CNR2: variants seen among roughly 807,000 people sequenced by gnomAD.
CNR2 encodes the protein cannabinoid receptor 2 (macrophage).
For missense variants in CNR2, 379 were observed against 439.9 expected (o/e 0.86, Z 1.24); for synonymous variants, 172 against 182.2 (o/e 0.94, Z 0.45).
At chr1:23,876,063 A>G (rs757855335) in intron 1 of CNR2, among the ~76,000 whole-genome samples, 1 of 152,138 alleles carries the variant, frequency 6.6e-6, no homozygotes, top group African/African-American at 2.4e-5. Context: ...TTGTTTTGTT[A>G]ATTTGCCAAT....
At chr1:23,905,077 T>C (rs889311068) in intron 1 of CNR2, among the ~76,000 whole-genome samples, 1 of 152,288 alleles carries the variant, frequency 6.6e-6, no homozygotes, top group Middle Eastern at 3.4e-3. Flanking sequence ...GGCTCAGCTC[T>C]TGAAACACTC....
intron 1 of CNR2, among the ~76,000 whole-genome samples, chr1:23,891,101 A>G (rs1414858809): frequency 1.3e-5 from 2 of 151,254 alleles, no homozygotes; most frequent in Admixed American, 6.6e-5. Context: ...CCTGTTCTCG[A>G]ACTCCTGACT....
chr1:23,902,305 T>C (rs1265693778), intron 1 of CNR2: 1 of 1,531,658 alleles, frequency 6.5e-7, no homozygotes, highest in African/African-American at 1.4e-5. Context: ...TGTGCGTCGA[T>C]GACCTCCCAG....
At chr1:23,876,834 CA>C (rs72220399) in intron 1 of CNR2, among the ~76,000 whole-genome samples, 8,951 of 119,684 alleles carry the variant, frequency 0.075, 207 homozygotes, top group East Asian at 0.19. Context: ...GACTCTGTCT[CA>C]AAAAAAAAAA....
chr1:23,875,009 G>A lies in CNR2; in HGVS notation c.609C>T (p.Ser203=), dbSNP rs371817276. Residue 203 remains serine, a synonymous_variant, in exon 2 of 2, where the codon TCC becomes TCT. Transcript: ENST00000374472. ...SWLLFIAFLF[S]GIIYTYGHVL... is the part of the protein sequence containing the mutation. ...CATGCCCATAGGTGTAGATGATTCC[G>A]GAAAAGAGGAAGGCGATGAACAGGA... 4.8e-5 allele frequency: 77 copies of A among 1,608,974 alleles called. No homozygotes were observed. The highest frequency in any genetic ancestry group is 3.4e-4 in the South Asian group (31 of 90,254).
At chr1:23,892,238 T>A (rs1406529100) in intron 1 of CNR2, among the ~76,000 whole-genome samples, 1 of 152,156 alleles carries the variant, frequency 6.6e-6, no homozygotes, top group Non-Finnish European at 1.5e-5. Context: ...TAAAATGGGT[T>A]TGGCAGTGGA....
intron 1 of CNR2, among the ~76,000 whole-genome samples, chr1:23,881,725 C>A (rs1442392947): frequency 6.6e-6 from 1 of 150,542 alleles, no homozygotes; most frequent in African/African-American, 2.4e-5. Flanking sequence ...CTCGTCTCTA[C>A]TAAAAATACA....
chr1:23,881,860 C>T (rs533810577), intron 1 of CNR2, among the ~76,000 whole-genome samples: 1 of 151,642 alleles, frequency 6.6e-6, no homozygotes, highest in East Asian at 2.0e-4. Flanking sequence ...CATTGCACTC[C>T]AGCCTGGGCA....
intron 1 of CNR2, among the ~76,000 whole-genome samples, chr1:23,880,987 T>C (rs1639976470): frequency 6.6e-6 from 1 of 151,398 alleles, no homozygotes; most frequent in Non-Finnish European, 1.5e-5. Context: ...TAGAAATTAA[T>C]AATTAAGGCT....
chr1:23,875,265 G>A lies in CNR2; in HGVS notation c.353C>T (p.Thr118Ile). ...CAGCAGGAGGCTACCCACAGAGGCT[G>A]TGAAGGTCATAGTCACGCTGCCAAT... ...LKIGSVTMTFTASVGSLLLTA... is the reference protein window; with the variant it reads ...LKIGSVTMTFIASVGSLLLTA... Residue 118 changes from threonine (T) to isoleucine (I), a missense_variant, in exon 2 of 2, where the codon ACA becomes ATA. Thr to Ile is a moderately conservative substitution (Grantham distance 89). Coordinates refer to ENST00000374472, the MANE Select transcript of CNR2 (RefSeq NM_001841.3). 6.2e-7 allele frequency: 1 copy of A among 1,614,228 alleles called. No individual in the cohort carries two copies. The highest frequency in any genetic ancestry group is 8.5e-7 in the Non-Finnish European group (1 of 1,180,046).
intron 1 of CNR2, among the ~76,000 whole-genome samples, chr1:23,890,866 T>A (rs1203903835): frequency 7.2e-6 from 1 of 138,786 alleles, no homozygotes; most frequent in Non-Finnish European, 1.5e-5. Context: ...TTAGTCCCCC[T>A]CTGGTCTTCT....
chr1:23,876,278 C>T (rs1474945727), intron 1 of CNR2, among the ~76,000 whole-genome samples: 1 of 150,820 alleles, frequency 6.6e-6, no homozygotes, highest in Non-Finnish European at 1.5e-5. Flanking sequence ...GTGATCTCGG[C>T]TCACTGTAAC....
intron 1 of CNR2, among the ~76,000 whole-genome samples, chr1:23,880,657 C>T (rs1238659928): frequency 1.3e-5 from 2 of 151,858 alleles, no homozygotes; most frequent in Non-Finnish European, 2.9e-5. Context: ...CCTCCGCCTC[C>T]AGGGTTCAAG....
At chr1:23,884,761 T>G (rs1478867810) in intron 1 of CNR2, among the ~76,000 whole-genome samples, 1 of 152,118 alleles carries the variant, frequency 6.6e-6, no homozygotes, top group East Asian at 1.9e-4. Flanking sequence ...GGACCTTTAG[T>G]GGCTCAGCAC....
At chr1:23,894,659 A>AAAAAAAAAAC in intron 1 of CNR2, among the ~76,000 whole-genome samples, 1 of 147,644 alleles carries the variant, frequency 6.8e-6, no homozygotes, top group Non-Finnish European at 1.5e-5. Context: ...AATAATAAAA[A>AAAAAAAAAAC]AATCAGCCAG....
At chr1:23,895,639 T>G (rs530770385) in intron 1 of CNR2, among the ~76,000 whole-genome samples, 263 of 152,284 alleles carry the variant, frequency 1.7e-3, no homozygotes, top group Non-Finnish European at 2.8e-3. Context: ...CCCGAGTAGC[T>G]GGGAGTACAG....
At chr1:23,903,289 G>A (rs1025722788) in intron 1 of CNR2, among the ~76,000 whole-genome samples, 5 of 152,166 alleles carry the variant, frequency 3.3e-5, no homozygotes, top group African/African-American at 1.2e-4. Flanking sequence ...AATTTTCAAA[G>A]TGAGGCCGGG....
intron 1 of CNR2, among the ~76,000 whole-genome samples, chr1:23,884,804 ATTT>A (rs34296408): frequency 2.6e-4 from 39 of 148,978 alleles, no homozygotes; most frequent in African/African-American, 3.5e-4. Flanking sequence ...CTCAAAAACA[ATTT>A]TTTTTTTTTT....
chr1:23,900,753 G>A (rs1173555456), intron 1 of CNR2, among the ~76,000 whole-genome samples: 1 of 152,020 alleles, frequency 6.6e-6, no homozygotes, highest in African/African-American at 2.4e-5. Flanking sequence ...TGAACCGCCC[G>A]CCTTGGCCTC....
Sources: allele counts gnomAD v4.1 joint callset (sites outside exome capture counted in the v4.1 genomes callset), GRCh38; gene constraint gnomAD v4.1.1; transcripts MANE v1.5; gene names NCBI Gene and HGNC (gene_info 2026-07-23, HGNC 2026-07-21).